The following OXR1 variants were observed in gnomAD, a reference collection of about 807,000 sequenced individuals.
OXR1 encodes oxidation resistance protein 1.
In OXR1, 41 loss-of-function variants were observed where a neutral mutation model predicts 104.6. The ratio of observed to expected loss-of-function variants is 0.39; its 90% CI spans 0.31 to 0.51. OXR1 has a LOEUF of 0.51. OXR1 is among the 20% of genes least tolerant of loss of function. The pLI is 0.77. For synonymous variants in OXR1, 348 were observed against 348.4 expected (o/e 1.00, Z 0.01); for missense variants, 955 against 1,031.9 (o/e 0.93, Z 1.02).
chr8:106,380,656 T>A (rs1817105316), intron 2 of OXR1, among the ~76,000 whole-genome samples: 1 of 152,200 alleles, frequency 6.6e-6, no homozygotes, highest in Non-Finnish European at 1.5e-5. Flanking sequence ...TGGGTTACAG[T>A]CATCCTAGTG....
intron 9 of OXR1, 49 bp downstream of exon 9, chr8:106,707,194 C>A: frequency 6.4e-7 from 1 of 1,554,794 alleles, no homozygotes; most frequent in African/African-American, 1.4e-5. Flanking sequence ...TGTATGGTGT[C>A]TCCGTCTTTC....
At chr8:106,606,156 G>C (rs36134646) in intron 3 of OXR1, among the ~76,000 whole-genome samples, 1 of 152,098 alleles carries the variant, frequency 6.6e-6, no homozygotes, top group African/African-American at 2.4e-5. Flanking sequence ...TAGAGGCCCT[G>C]TGGGAGAATC....
intron 3 of OXR1, among the ~76,000 whole-genome samples, chr8:106,571,616 C>T (rs1817476998): frequency 6.6e-6 from 1 of 152,074 alleles, no homozygotes; most frequent in African/African-American, 2.4e-5. Context: ...TCCCAACAGC[C>T]CCCAAATTAT....
intron 3 of OXR1, among the ~76,000 whole-genome samples, chr8:106,589,818 C>G (rs1342364060): frequency 6.6e-6 from 1 of 152,132 alleles, no homozygotes; most frequent in Non-Finnish European, 1.5e-5. Context: ...AGACATATGC[C>G]ACCATGCCCG....
At chr8:106,301,487 C>T (rs1053991624) in intron 1 of OXR1, among the ~76,000 whole-genome samples, 3 of 152,130 alleles carry the variant, frequency 2.0e-5, no homozygotes, top group Admixed American at 6.5e-5. Flanking sequence ...CAGGTTTAGG[C>T]CCATCTAACT....
intron 3 of OXR1, among the ~76,000 whole-genome samples, chr8:106,591,242 A>C (rs1187498629): frequency 3.7e-4 from 52 of 138,764 alleles, no homozygotes; most frequent in Non-Finnish European, 7.2e-4. Flanking sequence ...AACAATGAGA[A>C]CACATGGACA....
In OXR1 at chr8:106,519,038, C is replaced by A. The variant is rs767188608; in HGVS notation, c.119C>A (p.Pro40Gln). Residue 40 changes from proline (P) to glutamine (Q), a missense_variant, in exon 3 of 17, where the codon CCG (proline) becomes CAG (glutamine). Coordinates refer to ENST00000517566, the MANE Select transcript of OXR1 (RefSeq NM_001198533.2). ...GKQTPQASKP[P>Q]APKTPIIEEE... is the part of the protein sequence containing the mutation. ...CAAACACCACAAGCCAGTAAGCCCC[C>A]GGCACCCAAGACCCCCATCATTGAA... 5.8e-6 allele frequency: 9 copies of A among 1,551,748 alleles called. No homozygotes were observed. In the East Asian group the frequency reaches 2.2e-4, roughly 38 times the overall value.
At chr8:106,365,854 A>G (rs958340627) in intron 2 of OXR1, among the ~76,000 whole-genome samples, 6 of 152,188 alleles carry the variant, frequency 3.9e-5, no homozygotes, top group African/African-American at 1.4e-4. Flanking sequence ...GTCTTTAAAA[A>G]CTAATGCCAA....
intron 2 of OXR1, among the ~76,000 whole-genome samples, chr8:106,423,851 A>G (rs981046877): frequency 5.3e-5 from 8 of 152,292 alleles, no homozygotes; most frequent in African/African-American, 1.9e-4. Flanking sequence ...TAGCTAAAAT[A>G]TAGGGAAAAT....
intron 6 of OXR1, among the ~76,000 whole-genome samples, chr8:106,684,789 T>A (rs376081179): frequency 7.2e-5 from 11 of 152,176 alleles, no homozygotes; most frequent in Admixed American, 2.0e-4. Flanking sequence ...ATCATCTTAG[T>A]CATCCAAGAA....
chr8:106,398,770 G>C (rs1298056512), intron 2 of OXR1, among the ~76,000 whole-genome samples: 1 of 152,094 alleles, frequency 6.6e-6, no homozygotes, highest in Non-Finnish European at 1.5e-5. Flanking sequence ...CACCTCTGGT[G>C]AATCAGTTAG....
intron 2 of OXR1, among the ~76,000 whole-genome samples, chr8:106,482,194 A>T (rs955391053): frequency 6.6e-6 from 1 of 151,962 alleles, no homozygotes; most frequent in African/African-American, 2.4e-5. Flanking sequence ...GCCTTTCTAT[A>T]CTTCCGCATC....
chr8:106,429,616 C>T (rs748975648), intron 2 of OXR1, among the ~76,000 whole-genome samples: 5 of 149,542 alleles, frequency 3.3e-5, no homozygotes, highest in African/African-American at 7.4e-5. Context: ...GCCGAGATCT[C>T]GCCACTGCAC....
chr8:106,679,758 CTTTT>C (rs201152528), intron 4 of OXR1, among the ~76,000 whole-genome samples: 1 of 144,340 alleles, frequency 6.9e-6, no homozygotes, highest in Admixed American at 7.0e-5. Context: ...AAACATTGAG[CTTTT>C]TTTTTTTTTT....
intron 12 of OXR1, 50 bp from the exon 13 acceptor site, chr8:106,739,408 A>G: frequency 6.5e-7 from 1 of 1,528,110 alleles, no homozygotes; most frequent in Non-Finnish European, 9.0e-7. Context: ...ACAATTTTGA[A>G]AGCATGTCAC....
At chr8:106,686,751 T>A (rs567952725) in intron 6 of OXR1, among the ~76,000 whole-genome samples, 1 of 152,224 alleles carries the variant, frequency 6.6e-6, no homozygotes, top group Non-Finnish European at 1.5e-5. Flanking sequence ...TAAAAATATG[T>A]TCCTGGCTTT....
chr8:106,309,173 G>A (rs1199896502), intron 1 of OXR1, among the ~76,000 whole-genome samples: 6 of 151,988 alleles, frequency 3.9e-5, no homozygotes, highest in African/African-American at 1.4e-4. Flanking sequence ...GTAGAGATGA[G>A]CTCTCACTAT....
At chr8:106,363,139 C>T (rs141832265) in intron 2 of OXR1, among the ~76,000 whole-genome samples, 129 of 152,300 alleles carry the variant, frequency 8.5e-4, no homozygotes, top group African/African-American at 3.0e-3. Context: ...CAAGTAGCCA[C>T]TCAAAAACTA....
At chr8:106,602,903 G>A (rs1820082146) in intron 3 of OXR1, among the ~76,000 whole-genome samples, 1 of 151,704 alleles carries the variant, frequency 6.6e-6, no homozygotes, top group Non-Finnish European at 1.5e-5. Flanking sequence ...TGTTGTCCTA[G>A]TGAATATTCT....
Sources: allele counts gnomAD v4.1 joint callset (sites outside exome capture counted in the v4.1 genomes callset), GRCh38; gene constraint gnomAD v4.1.1; transcripts MANE v1.5; gene names NCBI Gene and HGNC (gene_info 2026-07-23, HGNC 2026-07-21).